Variants in TRPC1 observed in about 807,000 individuals in gnomAD.
TRPC1 encodes short transient receptor potential channel 1.
In TRPC1, 42 loss-of-function variants were observed where a neutral mutation model predicts 88.2. The observed-to-expected ratio is 0.48, with a 90% confidence interval of 0.37 to 0.62. The LOEUF (loss-of-function observed/expected upper bound fraction) is 0.62. Ranked by LOEUF, TRPC1 falls within the 20% of genes least tolerant of loss-of-function variation. The pLI, the probability that TRPC1 is intolerant of heterozygous loss-of-function variation, is 0.00. For synonymous variants in TRPC1, 288 were observed against 331.8 expected (o/e 0.87, Z 1.43); for missense variants, 699 against 957.3 (o/e 0.73, Z 3.56).
chr3:142,759,071 A>G (rs577426299), intron 4 of TRPC1, among the ~76,000 whole-genome samples: 3 of 152,050 alleles, frequency 2.0e-5, no homozygotes, highest in South Asian at 4.2e-4. Context: ...TATCCAGTCT[A>G]TTATTGATGG....
intron 9 of TRPC1, chr3:142,801,396 A>G (rs1256471067): frequency 1.3e-5 from 2 of 152,116 alleles, no homozygotes; most frequent in Non-Finnish European, 2.9e-5. Flanking sequence ...CTTCCTATCT[A>G]TTGGTTAAAT....
chr3:142,732,520 G>T (rs189628518), intron 1 of TRPC1, among the ~76,000 whole-genome samples: 30 of 152,270 alleles, frequency 2.0e-4, no homozygotes, highest in Middle Eastern at 3.4e-3. Flanking sequence ...GTCAGCAGCT[G>T]TGTTAGTTAA....
At position 142,806,834 on chromosome 3, in the gene TRPC1, G is replaced by A. The variant is rs1936809003; in HGVS notation, c.*599G>A. On this transcript the variant is annotated 3_prime_UTR_variant, in exon 13 of 13. Coordinates refer to ENST00000476941, the MANE Select transcript of TRPC1 (RefSeq NM_001251845.2). ...TAAATTCACTTCAGTTTTTGTTATT[G>A]TAATATATTTACTTTTACATGGTTA... 1 of 151,098 alleles carries A rather than the reference G, an allele frequency of 6.6e-6. No homozygotes were observed. 9.4% of individuals were successfully genotyped at this position (151,098 alleles called of 1,614,324 possible). A position where few individuals can be genotyped will look rare whatever the true frequency, so the allele number is the denominator to read the frequency against.
At chr3:142,725,065 C>G (rs776341161) in intron 1 of TRPC1, among the ~76,000 whole-genome samples, 47 of 152,246 alleles carry the variant, frequency 3.1e-4, no homozygotes, top group Non-Finnish European at 3.7e-4. Context: ...ACCTGGTCTT[C>G]TCTCTGGCTC....
chr3:142,736,309 G>A (rs957926749), intron 1 of TRPC1, 70 bp from the exon 2 acceptor site: 1 of 1,236,346 alleles, frequency 8.1e-7, no homozygotes, highest in African/African-American at 1.5e-5. Context: ...AACAAGCTAA[G>A]TTTTTCTTTA....
Position 142,792,856 on chromosome 3 carries a change from T to C in TRPC1, c.1470T>C (p.Asp490=). Residue 490 remains aspartate (D), a synonymous_variant, in exon 9 of 13, where the codon GAT becomes GAC. Coordinates refer to ENST00000476941, the MANE Select transcript of TRPC1 (RefSeq NM_001251845.2). The surrounding 1 kb of genome is among the most constrained non-coding windows in gnomAD (Gnocchi z 4.0). The part of the protein sequence containing the change: ...FHDFADRKDW[D]AFHPTLVAEG... Reference sequence around the variant, plus strand: ...ATTTTGCTGATCGGAAGGATTGGGATGCATTCCATCCTACACTGGTGGCAG... The same window carrying C: ...ATTTTGCTGATCGGAAGGATTGGGACGCATTCCATCCTACACTGGTGGCAG... 6.2e-7 allele frequency: 1 copy of C among 1,600,720 alleles called. No individual in the cohort carries two copies. The highest frequency in any genetic ancestry group is 1.3e-5 in the African/African-American group (1 of 74,086).
intron 4 of TRPC1, among the ~76,000 whole-genome samples, chr3:142,765,758 A>T (rs1935363403): frequency 6.6e-6 from 1 of 152,186 alleles, no homozygotes; most frequent in South Asian, 2.1e-4. Context: ...TCTACACAAC[A>T]AAAGAAACTA....
rs1402214752 is a variant in TRPC1 at position 142,777,713 on chromosome 3, T to C, written c.714T>C (p.Phe238=). ...LTEEDPILRA[F]ELSADLKELS... ...AGGAGGATCCAATTCTGAGAGCATT[T>C]GAACTTAGTGCTGATTTAAAAGAAC... The change falls in exon 5 of 13, where the codon TTT becomes TTC. Residue 238 remains phenylalanine (F), a synonymous_variant. Coordinates refer to ENST00000476941, the MANE Select transcript of TRPC1 (RefSeq NM_001251845.2). The C allele has an allele frequency of 2.5e-6, 4 of 1,613,366 alleles. No individual in the cohort carries two copies. Among genetic ancestry groups the C allele is most frequent in the Non-Finnish European group, 3.4e-6 (4 of 1,179,478 alleles).
intron 7 of TRPC1, among the ~76,000 whole-genome samples, chr3:142,788,759 A>C (rs938369092): frequency 6.6e-6 from 1 of 152,268 alleles, no homozygotes; most frequent in African/African-American, 2.4e-5. Flanking sequence ...ATTCTAAAAA[A>C]AATAGACCCT....
At chr3:142,746,263 G>A (rs1445252002) in intron 3 of TRPC1, among the ~76,000 whole-genome samples, 4 of 151,844 alleles carry the variant, frequency 2.6e-5, no homozygotes, top group Non-Finnish European at 5.9e-5. Flanking sequence ...TTCAAATTTA[G>A]GTTTTTTATT....
At chr3:142,794,050 T>G (rs1339812436) in intron 9 of TRPC1, 2 of 270,206 alleles carry the variant, frequency 7.4e-6, no homozygotes, top group African/African-American at 4.6e-5. Context: ...AAAATTTGTT[T>G]AACCTTGTTC....
At chr3:142,760,687 CA>C (rs1350226805) in intron 4 of TRPC1, among the ~76,000 whole-genome samples, 1 of 152,106 alleles carries the variant, frequency 6.6e-6, no homozygotes. Flanking sequence ...GTCATTTTAA[CA>C]ACATTAATTC....
At chr3:142,801,017 TTCC>T in intron 9 of TRPC1, among the ~76,000 whole-genome samples, 1 of 152,092 alleles carries the variant, frequency 6.6e-6, no homozygotes, top group Non-Finnish European at 1.5e-5. Context: ...TTCCAGAAAC[TTCC>T]TATGCATATT....
intron 1 of TRPC1, among the ~76,000 whole-genome samples, chr3:142,730,606 GTTT>G (rs34841179): frequency 7.0e-6 from 1 of 142,390 alleles, no homozygotes; most frequent in African/African-American, 2.6e-5. Flanking sequence ...GTCTGCATGG[GTTT>G]TTTTTTTTTT....
intron 1 of TRPC1, among the ~76,000 whole-genome samples, chr3:142,727,347 G>A (rs1355199727): frequency 6.6e-6 from 1 of 152,114 alleles, no homozygotes; most frequent in Non-Finnish European, 1.5e-5. Flanking sequence ...GAAAAATTGA[G>A]GAATTCCTAA....
chr3:142,767,232 T>C lies in TRPC1; in HGVS notation c.633-10400T>C, dbSNP rs1040999671. On this transcript the variant is annotated intron_variant, in intron 4 of 12. Transcript: ENST00000476941. The surrounding 1 kb of genome is among the most constrained non-coding windows in gnomAD (Gnocchi z 5.1). ...ATACTATTGTACATGAATTATTTTCTTAAATTTTATTTTCACTGTTCATAG... is the reference window on the plus strand; with the variant it reads ...ATACTATTGTACATGAATTATTTTCCTAAATTTTATTTTCACTGTTCATAG... Among the ~76,000 whole-genome samples, 2 of 152,134 alleles carry C rather than the reference T, an allele frequency of 1.3e-5. No individual in the cohort carries two copies. Among genetic ancestry groups the C allele is most frequent in the African/African-American group, 4.8e-5 (2 of 41,454 alleles).
intron 4 of TRPC1, among the ~76,000 whole-genome samples, chr3:142,764,529 A>G (rs1259210934): frequency 6.6e-6 from 1 of 152,070 alleles, no homozygotes; most frequent in Non-Finnish European, 1.5e-5. Context: ...TTTTTTCTGG[A>G]TACAAAACAC....
Position 142,806,037 on chromosome 3 carries a change from T to C in TRPC1, c.2184T>C (p.Asp728=), listed in dbSNP as rs145796937. The part of the protein sequence containing the change: ...KEWRNLKQKR[D]ENYQKVMCCL... ...GGAGGAATTTGAAACAGAAGAGAGA[T>C]GAAAACTATCAAAAAGTGATGTGCT... The change falls in exon 13 of 13, where the codon GAT becomes GAC. Residue 728 remains aspartate, a synonymous_variant. Transcript: ENST00000476941. 6.2e-6 allele frequency: 10 copies of C among 1,613,594 alleles called. No individual in the cohort carries two copies. The African/African-American group carries it at 1.3e-4, about 22-fold the overall frequency.
In TRPC1 at chr3:142,776,281, G is replaced by A. The variant is rs1385222268; in HGVS notation, c.633-1351G>A. On this transcript the variant is annotated intron_variant, in intron 4 of 12. Coordinates refer to ENST00000476941, the MANE Select transcript of TRPC1 (RefSeq NM_001251845.2). This position sits in a 1 kb window ranked among gnomAD's most constrained non-coding sequence, Gnocchi z 4.1. ...GATTGCAGTTGGGAGGTGATGGGAGGACATGGATGAGGGAGTATCATGTTT... is the reference window on the plus strand; with the variant it reads ...GATTGCAGTTGGGAGGTGATGGGAGAACATGGATGAGGGAGTATCATGTTT... Among the ~76,000 whole-genome samples, 3 of 152,022 alleles carry A rather than the reference G, an allele frequency of 2.0e-5. No homozygotes were observed. The highest frequency in any genetic ancestry group is 1.3e-4 in the Admixed American group (2 of 15,248).
Sources: gnomAD v4.1 joint callset for allele counts (sites outside exome capture counted in the v4.1 genomes callset) on GRCh38, gnomAD v4.1.1 for gene constraint, Gnocchi (gnomAD v3.1) non-coding constraint, MANE v1.5 for transcripts, NCBI Gene and HGNC (gene_info 2026-07-23, HGNC 2026-07-21) for gene names.